NSD2: variants seen among roughly 807,000 people sequenced by gnomAD.
The protein encoded by NSD2 is histone-lysine N-methyltransferase NSD2.
Under a neutral mutation model 139.0 loss-of-function variants are expected in NSD2, and 12 were observed. The observed-to-expected ratio is 0.09, with a 90% CI of 0.06 to 0.14. NSD2 has a LOEUF of 0.14. NSD2 is among the 10% of genes least tolerant of loss of function. The pLI is 1.00. For missense variants in NSD2, 1,155 were observed against 1,745.0 expected, an observed-to-expected ratio of 0.66 and a Z score of 6.02; for synonymous variants, 669 against 648.7, an observed-to-expected ratio of 1.03 and a Z score of -0.48.
chr4:1,953,300 AC>A, intron 11 of NSD2, 23 bp from the exon 12 acceptor site: 1 of 1,614,000 alleles, frequency 6.2e-7, no homozygotes, highest in African/African-American at 1.3e-5. Context: ...CTCTCTCTCC[AC>A]CCCTTCTTTA....
intron 9 of NSD2, chr4:1,947,533 G>T: frequency 9.5e-7 from 1 of 1,054,296 alleles, no homozygotes; most frequent in Middle Eastern, 4.3e-4. Context: ...AATAAAAATT[G>T]TTATGAACTA....
rs537672966 is a variant in NSD2 at position 1,900,539 on chromosome 4, A to G, written c.-29-87A>G. 38 of 824,972 alleles carry G rather than the reference A, an allele frequency of 4.6e-5. No homozygotes were observed. The Admixed American group carries it at 1.1e-3, about 25-fold the overall frequency. The allele number at this position is 824,972 out of a possible 1,614,324, so 51.1% of individuals were successfully genotyped here. Reference sequence around the variant, plus strand: ...TTGCTTACAAAGAAAATCAGACCCCACAAAGCTGTAGAGGTCCTGGCATAC... The same window carrying G: ...TTGCTTACAAAGAAAATCAGACCCCGCAAAGCTGTAGAGGTCCTGGCATAC... On this transcript the variant is annotated intron_variant, in intron 1 of 21. Transcript: ENST00000508803.
At chr4:1,907,872 A>G (rs373944823) in intron 3 of NSD2, among the ~76,000 whole-genome samples, 22 of 152,102 alleles carry the variant, frequency 1.4e-4, no homozygotes, top group South Asian at 8.3e-4. Flanking sequence ...TGGCCTCCCA[A>G]TGGGATTACA....
At chr4:1,913,275 A>G (rs1718922360) in intron 3 of NSD2, among the ~76,000 whole-genome samples, 1 of 152,202 alleles carries the variant, frequency 6.6e-6, no homozygotes, top group Non-Finnish European at 1.5e-5. Flanking sequence ...ACCTTGGTCT[A>G]GCGGTAGCGC....
Position 1,891,593 on chromosome 4 carries a change from C to T in NSD2, c.-29-9033C>T, listed in dbSNP as rs147385067. Among the ~76,000 whole-genome samples the T allele has an allele frequency of 5.9e-3, 901 of 152,256 alleles. 4 individuals are homozygous for T. Among genetic ancestry groups the T allele is most frequent in the South Asian group, 0.014 (66 of 4,822 alleles). ...GAGAACCGGGCACGGTGGCTCATGC[C>T]TGTAATCCTAGCACTTTGGGAGGCT... On this transcript the variant is annotated intron_variant, in intron 1 of 21. Transcript: ENST00000508803.
chr4:1,938,627 G>T lies in NSD2; in HGVS notation c.1756+95G>T, dbSNP rs560562157. The T allele has an allele frequency of 4.7e-6, 5 of 1,063,826 alleles. No homozygotes were observed. In the African/African-American group the frequency reaches 7.9e-5, roughly 17 times the overall value. The allele number at this position is 1,063,826 out of a possible 1,614,324, so 65.9% of individuals were successfully genotyped here. ...AGTGTGAAAGGGGAAGGCTGGGGCT[G>T]GTGAAGGGGAACAGGGCAGGGGAGG... On this transcript the variant is annotated intron_variant, in intron 8 of 21. Transcript: ENST00000508803.
chr4:1,902,679 T>C (rs1339297082), intron 2 of NSD2, among the ~76,000 whole-genome samples: 1 of 152,160 alleles, frequency 6.6e-6, no homozygotes, highest in East Asian at 1.9e-4. Flanking sequence ...CCTCAAACGA[T>C]GTTCCTGCAT....
chr4:1,968,057 A>G (rs1726069668), intron 18 of NSD2, among the ~76,000 whole-genome samples: 1 of 152,252 alleles, frequency 6.6e-6, no homozygotes, highest in Non-Finnish European at 1.5e-5. Context: ...TTGGCAGCAT[A>G]TTAAAAGAAT....
At position 1,979,589 on chromosome 4, in the gene NSD2, C is replaced by G. The variant is rs1030441586; in HGVS notation, c.*680C>G. The G allele has an allele frequency of 7.7e-5, 18 of 232,694 alleles. No homozygotes were observed. The highest frequency in any genetic ancestry group is 6.2e-4 in the Admixed American group (11 of 17,766). The allele number at this position is 232,694 out of a possible 1,614,324, so 14.4% of individuals were successfully genotyped here. A position where few individuals can be genotyped will look rare whatever the true frequency, so the allele number is the denominator to read the frequency against. On this transcript the variant is annotated 3_prime_UTR_variant, in exon 22 of 22. Transcript: ENST00000508803. ...GGATTTGAATGAAATGCCAATAACA[C>G]GTCCACTTTCAACGTGTAGTTTACG...
Position 1,891,590 on chromosome 4 carries a change from T to C in NSD2, c.-29-9036T>C, listed in dbSNP as rs142788221. Among the ~76,000 whole-genome samples, 175 of 152,222 alleles carry C rather than the reference T, an allele frequency of 1.1e-3. 1 individual carries two copies. In the East Asian group the frequency reaches 0.014, roughly 12 times the overall value. ...CCAGAGAACCGGGCACGGTGGCTCA[T>C]GCCTGTAATCCTAGCACTTTGGGAG... On this transcript the variant is annotated intron_variant, in intron 1 of 21. Coordinates refer to ENST00000508803, the MANE Select transcript of NSD2 (RefSeq NM_001042424.3).
At chr4:1,885,889 A>G (rs1715047446) in intron 1 of NSD2, among the ~76,000 whole-genome samples, 1 of 151,968 alleles carries the variant, frequency 6.6e-6, no homozygotes, top group African/African-American at 2.4e-5. Context: ...AGTTTATATA[A>G]ATTTTATTTC....
At position 1,917,778 on chromosome 4, in the gene NSD2, C is replaced by CTT. The variant is rs34000332; in HGVS notation, c.928-344_928-343dup. Among the ~76,000 whole-genome samples, 320 of 122,630 alleles carry CTT rather than the reference C, an allele frequency of 2.6e-3. 2 individuals carry two copies. Among genetic ancestry groups the CTT allele is most frequent in the African/African-American group, 6.6e-3 (219 of 33,336 alleles). 80.5% of individuals were successfully genotyped at this position (122,630 alleles called of 152,430 possible). A position where few individuals can be genotyped will look rare whatever the true frequency, so the allele number is the denominator to read the frequency against. On this transcript the variant is annotated intron_variant, in intron 4 of 21. Coordinates refer to ENST00000508803, the MANE Select transcript of NSD2 (RefSeq NM_001042424.3). ...AATTATGTGAAAATGTAAAAGTATT[C>CTT]TTTTTTTTTTTTTTTTTTTTGAGAC...
chr4:1,933,531 A>G (rs531288897), intron 6 of NSD2, among the ~76,000 whole-genome samples: 61 of 151,574 alleles, frequency 4.0e-4, no homozygotes, highest in African/African-American at 1.5e-3. Flanking sequence ...CTGGGACTAC[A>G]GGCGCCCGCC....
chr4:1,952,020 T>C (rs1022873882), intron 10 of NSD2, 88 bp from the exon 11 acceptor site: 1 of 1,535,098 alleles, frequency 6.5e-7, no homozygotes, highest in Admixed American at 2.0e-5. Flanking sequence ...TTTCTGCCAC[T>C]GGAGACAGAA....
chr4:1,895,950 A>ATGAT (rs1716233744), intron 1 of NSD2, among the ~76,000 whole-genome samples: 1 of 152,164 alleles, frequency 6.6e-6, no homozygotes, highest in African/African-American at 2.4e-5. Flanking sequence ...GTGACCACAG[A>ATGAT]CACTCACCTG....
chr4:1,941,097 G>T, intron 9 of NSD2: 2 of 1,055,772 alleles, frequency 1.9e-6, no homozygotes, highest in Non-Finnish European at 2.3e-6. Flanking sequence ...GGAGCTTACT[G>T]AAATATGAAA....
At chr4:1,873,584 C>T (rs537231958) in intron 1 of NSD2, among the ~76,000 whole-genome samples, 113 of 152,302 alleles carry the variant, frequency 7.4e-4, no homozygotes, top group African/African-American at 2.6e-3. Flanking sequence ...TAGAAGACAA[C>T]CCACTCCTCC....
chr4:1,880,276 C>A (rs915464913), intron 1 of NSD2, among the ~76,000 whole-genome samples: 6 of 152,074 alleles, frequency 3.9e-5, no homozygotes, highest in Non-Finnish European at 7.4e-5. Flanking sequence ...GTAACTGATC[C>A]AAAGTCACAA....
chr4:1,931,278 A>G (rs775232795), intron 6 of NSD2, among the ~76,000 whole-genome samples: 2 of 152,166 alleles, frequency 1.3e-5, no homozygotes, highest in Non-Finnish European at 2.9e-5. Flanking sequence ...CTCATAGGGC[A>G]AGAAGGGTGA....
Sources: gnomAD v4.1 joint callset for allele counts (sites outside exome capture counted in the v4.1 genomes callset) on GRCh38, gnomAD v4.1.1 for gene constraint, MANE v1.5 for transcripts, NCBI Gene and HGNC (gene_info 2026-07-23, HGNC 2026-07-21) for gene names.